RAB2A: variants seen among roughly 807,000 people sequenced by gnomAD.
RAB2A encodes RAB2A, member RAS oncogene family, also known as ras-related protein Rab-2A.
In RAB2A, 7 loss-of-function variants were observed where a neutral mutation model predicts 32.5. That is an observed-to-expected ratio of 0.22 (90% confidence interval 0.12 to 0.40). RAB2A has a LOEUF of 0.40. RAB2A is among the 10% of genes least tolerant of loss of function. RAB2A has a pLI of 1.00. For synonymous variants in RAB2A, 79 were observed against 85.2 expected (o/e 0.93, Z 0.40); for missense variants, 108 against 260.7 (o/e 0.41, Z 4.03).
At chr8:60,609,690 G>GT (rs1804302022) in intron 6 of RAB2A, among the ~76,000 whole-genome samples, 1 of 152,068 alleles carries the variant, frequency 6.6e-6, no homozygotes, top group Non-Finnish European at 1.5e-5. Flanking sequence ...GTGAGGCTGG[G>GT]TATGGTAGCT....
chr8:60,544,061 CA>C (rs532347157), intron 1 of RAB2A, among the ~76,000 whole-genome samples: 6,320 of 93,622 alleles, frequency 0.068, 270 homozygotes, highest in African/African-American at 0.18. Flanking sequence ...GACTCCGTCT[CA>C]AAAAAAAAAA....
chr8:60,614,669 G>A (rs1804419462), intron 6 of RAB2A, among the ~76,000 whole-genome samples: 1 of 152,134 alleles, frequency 6.6e-6, no homozygotes, highest in East Asian at 1.9e-4. Flanking sequence ...TTGTGGTTAC[G>A]GTTGTTTCAA....
intron 6 of RAB2A, among the ~76,000 whole-genome samples, chr8:60,605,828 A>AACATAT (rs1804219071): frequency 8.8e-6 from 1 of 114,004 alleles, no homozygotes; most frequent in Non-Finnish European, 1.6e-5. Flanking sequence ...AAAAGGGACT[A>AACATAT]ATACATATAT....
intron 6 of RAB2A, among the ~76,000 whole-genome samples, chr8:60,607,836 G>A (rs576634737): frequency 2.6e-5 from 4 of 152,278 alleles, no homozygotes; most frequent in African/African-American, 9.6e-5. Flanking sequence ...CCTCAGAGAT[G>A]TTATTGCTTC....
At position 60,572,382 on chromosome 8, in the gene RAB2A, T is replaced by C. The variant is rs1808209533; in HGVS notation, c.186+269T>C. On this transcript the variant is annotated intron_variant, in intron 3 of 7. Coordinates refer to ENST00000262646, the MANE Select transcript of RAB2A (RefSeq NM_002865.3). ...AATTGAAATGCTCTAGAAACTGTATTTTTAAGAAAAACAATCAGCATGTCT... is the reference window on the plus strand; with the variant it reads ...AATTGAAATGCTCTAGAAACTGTATCTTTAAGAAAAACAATCAGCATGTCT... Among the ~76,000 whole-genome samples, 2 of 152,160 alleles carry C rather than the reference T, an allele frequency of 1.3e-5. 1 individual carries two copies. The highest frequency in any genetic ancestry group is 4.8e-5 in the African/African-American group (2 of 41,442).
chr8:60,572,155 A>G (rs777141519), intron 3 of RAB2A, 42 bp downstream of exon 3: 2 of 1,427,278 alleles, frequency 1.4e-6, no homozygotes, highest in Non-Finnish European at 2.0e-6. Flanking sequence ...CAGTAAAGTT[A>G]CTTTATGAAA....
rs142118184 is a variant in RAB2A, at chr8:60,555,883, C to G, written c.47-2969C>G. ...TCCAAAGGAAAATAAATCATTATAT[C>G]AAAGTAGTGTTAATATCTGCACTCC... On this transcript the variant is annotated intron_variant, in intron 1 of 7. Coordinates refer to ENST00000262646, the MANE Select transcript of RAB2A (RefSeq NM_002865.3). 9.3e-3 allele frequency among the ~76,000 whole-genome samples: 1,414 copies of G among 152,270 alleles called. 10 individuals carry two copies. The highest frequency in any genetic ancestry group is 0.014 in the Non-Finnish European group (926 of 68,004).
intron 5 of RAB2A, among the ~76,000 whole-genome samples, chr8:60,589,502 A>G (rs2130852249): frequency 6.6e-6 from 1 of 152,346 alleles, no homozygotes; most frequent in South Asian, 2.1e-4. Flanking sequence ...CAGATGACAC[A>G]AATTTTTCTT....
At chr8:60,526,471 CAT>C (rs1037399131) in intron 1 of RAB2A, among the ~76,000 whole-genome samples, 3 of 152,170 alleles carry the variant, frequency 2.0e-5, no homozygotes, top group Non-Finnish European at 2.9e-5. Flanking sequence ...TTTAAGGACT[CAT>C]GTGATTAGAT....
At chr8:60,604,591 G>A (rs550979730) in intron 6 of RAB2A, among the ~76,000 whole-genome samples, 2 of 152,260 alleles carry the variant, frequency 1.3e-5, no homozygotes, top group African/African-American at 4.8e-5. Flanking sequence ...AAAATTATTG[G>A]GGACTGGAGC....
intron 6 of RAB2A, among the ~76,000 whole-genome samples, chr8:60,597,072 T>A (rs773499753): frequency 7.2e-5 from 11 of 152,214 alleles, no homozygotes; most frequent in Non-Finnish European, 1.2e-4. Context: ...AATTACCATT[T>A]GACCCTGCAA....
At chr8:60,595,967 G>A (rs530229385) in intron 6 of RAB2A, among the ~76,000 whole-genome samples, 6 of 152,304 alleles carry the variant, frequency 3.9e-5, no homozygotes, top group South Asian at 2.1e-4. Flanking sequence ...TAAACAGTAC[G>A]CTTCTGTGTG....
Position 60,567,696 on chromosome 8 carries a change from T to C in RAB2A, c.119-4350T>C, listed in dbSNP as rs542248814. Among the ~76,000 whole-genome samples the C allele has an allele frequency of 1.2e-4, 16 of 137,348 alleles. 1 individual carries two copies. In the South Asian group the frequency reaches 3.8e-3, roughly 32 times the overall value. The allele number at this position is 137,348 out of a possible 152,430, so 90.1% of individuals were successfully genotyped here. ...TGTTCAGTAAAATTTTATGGTTTTG[T>C]TCATATAGGCCTTATGCTTTTTTAA... On this transcript the variant is annotated intron_variant, in intron 2 of 7. Coordinates refer to ENST00000262646, the MANE Select transcript of RAB2A (RefSeq NM_002865.3).
intron 3 of RAB2A, among the ~76,000 whole-genome samples, chr8:60,573,446 G>T (rs901397749): frequency 1.3e-5 from 2 of 152,104 alleles, no homozygotes; most frequent in African/African-American, 4.8e-5. Flanking sequence ...GTGGGACCTG[G>T]GTTTCCTGAT....
intron 3 of RAB2A, among the ~76,000 whole-genome samples, chr8:60,575,569 C>G (rs1241149936): frequency 6.6e-6 from 1 of 151,210 alleles, no homozygotes; most frequent in Non-Finnish European, 1.5e-5. Context: ...TAGAGTCCTT[C>G]AAGGGAAAAT....
intron 6 of RAB2A, among the ~76,000 whole-genome samples, chr8:60,599,135 C>T (rs142942940): frequency 2.0e-5 from 3 of 151,798 alleles, no homozygotes; most frequent in East Asian, 3.9e-4. Flanking sequence ...ATGTTTTAGC[C>T]ATGAAAACAT....
intron 1 of RAB2A, among the ~76,000 whole-genome samples, chr8:60,523,137 A>C (rs1807325897): frequency 6.6e-6 from 1 of 150,534 alleles, no homozygotes; most frequent in Non-Finnish European, 1.5e-5. Context: ...ATAAACACCC[A>C]TGCAAAAGGA....
chr8:60,615,941 C>T lies in RAB2A; in HGVS notation c.475-2639C>T, dbSNP rs190393209. Among the ~76,000 whole-genome samples, 16 of 152,000 alleles carry T rather than the reference C, an allele frequency of 1.1e-4. No homozygotes were observed. The East Asian group carries it at 2.5e-3, about 24-fold the overall frequency. ...TTGTCATGAAGTATGTAAAACAACC[C>T]GTTTGTATTGTATCCTCTATAATAT... On this transcript the variant is annotated intron_variant, in intron 6 of 7. Transcript: ENST00000262646.
Position 60,542,126 on chromosome 8 carries a change from G to A in RAB2A, c.47-16726G>A, listed in dbSNP as rs35097857. Among the ~76,000 whole-genome samples, 206 of 152,342 alleles carry A rather than the reference G, an allele frequency of 1.4e-3. 1 individual carries two copies. Among genetic ancestry groups the A allele is most frequent in the Middle Eastern group, 3.4e-3 (1 of 294 alleles). ...CTTCTACCTTTGTAAAGAGAGGTGT[G>A]TCTTATGGAAAGCTTCCTAGAGGAT... On this transcript the variant is annotated intron_variant, in intron 1 of 7. Coordinates refer to ENST00000262646, the MANE Select transcript of RAB2A (RefSeq NM_002865.3).
Sources: gnomAD v4.1 joint callset for allele counts (sites outside exome capture counted in the v4.1 genomes callset) on GRCh38, gnomAD v4.1.1 for gene constraint, MANE v1.5 for transcripts, NCBI Gene and HGNC (gene_info 2026-07-23, HGNC 2026-07-21) for gene names.